RBFOX1: variants seen among roughly 807,000 people sequenced by gnomAD.
RBFOX1 encodes the protein RNA binding protein fox-1 homolog 1.
In RBFOX1, 8 loss-of-function variants were observed where a neutral mutation model predicts 57.7. That is an observed-to-expected ratio of 0.14 (90% CI 0.08 to 0.25). RBFOX1 has a LOEUF of 0.25. RBFOX1 is among the 10% of genes least tolerant of loss of function. The pLI, the probability that RBFOX1 is intolerant of heterozygous loss-of-function variation, is 1.00. For missense variants in RBFOX1, 611 were observed against 548.5 expected, an observed-to-expected ratio of 1.11 and a Z score of -1.14; for synonymous variants, 326 against 222.4, an observed-to-expected ratio of 1.47 and a Z score of -4.15.
At chr16:6,517,805 T>A (rs969373765) in intron 2 of RBFOX1, among the ~76,000 whole-genome samples, 10 of 152,218 alleles carry the variant, frequency 6.6e-5, no homozygotes, top group African/African-American at 2.2e-4. Context: ...TTGCTTTTCT[T>A]CCATTCGTTA....
At chr16:6,610,370 C>G (rs920559587) in intron 2 of RBFOX1, among the ~76,000 whole-genome samples, 1 of 152,246 alleles carries the variant, frequency 6.6e-6, no homozygotes, top group East Asian at 1.9e-4. Context: ...CACTATCACC[C>G]AGGCTGGAGT....
intron 4 of RBFOX1, among the ~76,000 whole-genome samples, chr16:7,103,445 T>A (rs1214865353): frequency 6.6e-6 from 1 of 152,158 alleles, no homozygotes; most frequent in Non-Finnish European, 1.5e-5. Context: ...AAGGCCACCT[T>A]CAGTCCTGCT....
chr16:7,254,403 A>G (rs1457411593), intron 4 of RBFOX1, among the ~76,000 whole-genome samples: 1 of 152,174 alleles, frequency 6.6e-6, no homozygotes, highest in East Asian at 1.9e-4. Context: ...AGATTATCCA[A>G]GCTGGAATCT....
intron 2 of RBFOX1, among the ~76,000 whole-genome samples, chr16:6,595,837 T>C (rs1324502020): frequency 6.6e-6 from 1 of 152,210 alleles, no homozygotes; most frequent in East Asian, 1.9e-4. Flanking sequence ...ATGTGCTTGT[T>C]GGGCATTTGT....
intron 3 of RBFOX1, among the ~76,000 whole-genome samples, chr16:6,741,389 G>C (rs577795161): frequency 1.3e-5 from 2 of 152,192 alleles, no homozygotes; most frequent in East Asian, 3.9e-4. Flanking sequence ...TTGGCTGGAC[G>C]GGGTGGCTCA....
chr16:5,597,107 G>A (rs1343357119), intron 2 of RBFOX1, among the ~76,000 whole-genome samples: 1 of 152,188 alleles, frequency 6.6e-6, no homozygotes, highest in East Asian at 1.9e-4. Flanking sequence ...CTGTGGGTGG[G>A]TCTGAGTAAT....
At chr16:6,238,334 G>T (rs901787423) in intron 1 of RBFOX1, among the ~76,000 whole-genome samples, 2 of 152,002 alleles carry the variant, frequency 1.3e-5, no homozygotes, top group Admixed American at 1.3e-4. Flanking sequence ...CCTTAATCCA[G>T]GAACCTCTAT....
chr16:5,852,716 G>A (rs2056927433), intron 3 of RBFOX1, among the ~76,000 whole-genome samples: 1 of 152,174 alleles, frequency 6.6e-6, no homozygotes, highest in Non-Finnish European at 1.5e-5. Context: ...CATAATCCCA[G>A]CACTTTGGGA....
intron 1 of RBFOX1, among the ~76,000 whole-genome samples, chr16:6,134,889 C>T (rs1039978133): frequency 4.6e-5 from 7 of 151,982 alleles, no homozygotes; most frequent in African/African-American, 1.7e-4. Flanking sequence ...TACATATGCA[C>T]AACGTGCAGG....
At chr16:6,943,639 C>T (rs1178609497) in intron 3 of RBFOX1, among the ~76,000 whole-genome samples, 4 of 149,406 alleles carry the variant, frequency 2.7e-5, no homozygotes, top group Non-Finnish European at 3.0e-5. Flanking sequence ...ACCCGGGAGG[C>T]GGAGCTTGCA....
intron 1 of RBFOX1, among the ~76,000 whole-genome samples, chr16:6,053,751 A>G (rs2152441232): frequency 2.0e-5 from 3 of 152,268 alleles, no homozygotes. Context: ...CACTTGTACA[A>G]TCTTAATGGG....
At chr16:6,963,915 G>C (rs912329025) in intron 3 of RBFOX1, among the ~76,000 whole-genome samples, 3 of 152,100 alleles carry the variant, frequency 2.0e-5, no homozygotes, top group Admixed American at 6.6e-5. Flanking sequence ...AGCCAAGACG[G>C]TGTCGATCTC....
At chr16:6,692,841 C>T (rs912964302) in intron 3 of RBFOX1, among the ~76,000 whole-genome samples, 1 of 152,086 alleles carries the variant, frequency 6.6e-6, no homozygotes, top group Admixed American at 6.5e-5. Flanking sequence ...TCTTCATCCA[C>T]TACCATCACC....
chr16:7,564,251 G>A (rs1037751285), intron 5 of RBFOX1, among the ~76,000 whole-genome samples: 16 of 151,982 alleles, frequency 1.1e-4, no homozygotes, highest in Non-Finnish European at 1.8e-4. Context: ...CAGAAAAAAG[G>A]CACTCAAGCC....
At chr16:6,625,665 G>A (rs1174549470) in intron 2 of RBFOX1, among the ~76,000 whole-genome samples, 1 of 142,630 alleles carries the variant, frequency 7.0e-6, no homozygotes, top group Non-Finnish European at 1.5e-5. Flanking sequence ...CCCAAGAAAT[G>A]CAGAGCAATC....
intron 3 of RBFOX1, among the ~76,000 whole-genome samples, chr16:6,658,700 C>A (rs145037507): frequency 6.6e-6 from 1 of 152,098 alleles, no homozygotes; most frequent in African/African-American, 2.4e-5. Context: ...CCTTGCCTGG[C>A]TGTTTATGGG....
intron 1 of RBFOX1, among the ~76,000 whole-genome samples, chr16:6,284,970 G>C (rs1319373530): frequency 4.6e-5 from 7 of 152,024 alleles, no homozygotes; most frequent in African/African-American, 1.7e-4. Flanking sequence ...AAAACCCCAG[G>C]GTATCGGGGA....
chr16:5,821,761 C>T (rs928370124), intron 3 of RBFOX1, among the ~76,000 whole-genome samples: 1 of 152,194 alleles, frequency 6.6e-6, no homozygotes, highest in Non-Finnish European at 1.5e-5. Context: ...AAGGCACCAG[C>T]AGGTTCAGTG....
At chr16:6,484,935 G>T (rs1420079) in intron 2 of RBFOX1, among the ~76,000 whole-genome samples, 68,975 of 152,034 alleles carry the variant, frequency 0.45, 16,501 homozygotes, top group East Asian at 0.76. Flanking sequence ...CCTCTCTTTA[G>T]TAGGGTAGCT....
Sources: gnomAD v4.1 joint callset for allele counts (sites outside exome capture counted in the v4.1 genomes callset) on GRCh38, gnomAD v4.1.1 for gene constraint, MANE v1.5 for transcripts, NCBI Gene and HGNC (gene_info 2026-07-23, HGNC 2026-07-21) for gene names.